Variants in EYA2 observed in about 807,000 individuals in gnomAD.
EYA2 encodes EYA transcriptional coactivator and phosphatase 2, also known as protein phosphatase EYA2.
In EYA2, 31 loss-of-function variants were observed where a neutral mutation model predicts 69.2. That is an observed-to-expected ratio of 0.45 (90% CI 0.34 to 0.60). The LOEUF (loss-of-function observed/expected upper bound fraction) is 0.60, where lower values mean the gene tolerates loss of function less well. Ranked by LOEUF, EYA2 falls within the 20% of genes least tolerant of loss-of-function variation. The pLI, the probability that EYA2 is intolerant of heterozygous loss-of-function variation, is 0.02. For missense variants in EYA2, 622 were observed against 701.2 expected, an observed-to-expected ratio of 0.89 and a Z score of 1.28; for synonymous variants, 257 against 279.4, an observed-to-expected ratio of 0.92 and a Z score of 0.80.
chr20:47,079,415 C>G (rs1296698824), intron 7 of EYA2, among the ~76,000 whole-genome samples: 1 of 152,172 alleles, frequency 6.6e-6, no homozygotes, highest in East Asian at 1.9e-4. Context: ...CAGAGGCCAC[C>G]TGCCTTCCTT....
intron 9 of EYA2, among the ~76,000 whole-genome samples, chr20:47,126,000 C>T (rs973477788): frequency 3.9e-5 from 6 of 151,940 alleles, no homozygotes; most frequent in Admixed American, 1.3e-4. Flanking sequence ...AAAAGTGAGG[C>T]GAAGGCAGGC....
chr20:47,137,851 A>T (rs1421527503), intron 9 of EYA2, among the ~76,000 whole-genome samples: 4 of 152,186 alleles, frequency 2.6e-5, no homozygotes, highest in Non-Finnish European at 5.9e-5. Context: ...GACATGGATG[A>T]AATTGGAAAT....
intron 11 of EYA2, 83 bp from the exon 12 acceptor site, chr20:47,172,624 G>A (rs1218584667): frequency 6.8e-7 from 1 of 1,464,902 alleles, no homozygotes; most frequent in Non-Finnish European, 9.1e-7. Flanking sequence ...CCACCCGTGG[G>A]TCCCACAGAG....
rs1455781324 is a variant in EYA2 at position 47,114,347 on chromosome 20, G to A, written c.888+17179G>A. Among the ~76,000 whole-genome samples the A allele has an allele frequency of 7.9e-5, 12 of 152,356 alleles. No homozygotes were observed. In the East Asian group the frequency reaches 2.3e-3, roughly 29 times the overall value. On this transcript the variant is annotated intron_variant, in intron 9 of 15. Coordinates refer to ENST00000327619, the MANE Select transcript of EYA2 (RefSeq NM_005244.5). ...AGCTTCAGCCTTGGCCGGCCACGGTGGCTCATGCCTGTAATCCCAGCACTT... is the reference window on the plus strand; with the variant it reads ...AGCTTCAGCCTTGGCCGGCCACGGTAGCTCATGCCTGTAATCCCAGCACTT...
intron 4 of EYA2, among the ~76,000 whole-genome samples, chr20:47,006,374 G>A (rs1029064732): frequency 1.3e-5 from 2 of 152,220 alleles, no homozygotes; most frequent in African/African-American, 4.8e-5. Flanking sequence ...GCCACTCCAC[G>A]TGACTTTACA....
intron 15 of EYA2, among the ~76,000 whole-genome samples, chr20:47,184,331 T>C (rs1252305610): frequency 3.3e-5 from 5 of 151,832 alleles, no homozygotes; most frequent in Non-Finnish European, 5.9e-5. Context: ...CCCCATGCCC[T>C]TCACCACCGT....
intron 10 of EYA2, among the ~76,000 whole-genome samples, chr20:47,160,029 G>A (rs1243627827): frequency 6.6e-6 from 1 of 150,624 alleles, no homozygotes; most frequent in Non-Finnish European, 1.5e-5. Context: ...ACCACATGGA[G>A]CCAGGTTCCA....
At chr20:47,074,901 C>T (rs1351786264) in intron 7 of EYA2, among the ~76,000 whole-genome samples, 2 of 152,124 alleles carry the variant, frequency 1.3e-5, no homozygotes, top group African/African-American at 4.8e-5. Context: ...CACCTGAGGT[C>T]AGGAGTTCGA....
chr20:47,057,824 C>A (rs1186029277), intron 5 of EYA2, among the ~76,000 whole-genome samples: 1 of 152,214 alleles, frequency 6.6e-6, no homozygotes, highest in African/African-American at 2.4e-5. Context: ...AGGCAGTGGC[C>A]TGTGCAACTT....
At position 47,148,058 on chromosome 20, in the gene EYA2, C is replaced by CAAAAAAAA. The variant is rs1264883844; in HGVS notation, c.978+4918_978+4925dup. Among the ~76,000 whole-genome samples the CAAAAAAAA allele has an allele frequency of 2.8e-3, 235 of 82,700 alleles. 12 individuals carry two copies. The highest frequency in any genetic ancestry group is 7.4e-3 in the African/African-American group (153 of 20,564). The allele number at this position is 82,700 out of a possible 152,430, so 54.3% of individuals were successfully genotyped here. On this transcript the variant is annotated intron_variant, in intron 10 of 15. Coordinates refer to ENST00000327619, the MANE Select transcript of EYA2 (RefSeq NM_005244.5). ...TGGGCGACAGAGCAAGACTCTGTCT[C>CAAAAAAAA]AAAAAAAAAAAAAAAGAATAAAAAA...
Position 47,089,204 on chromosome 20 carries a change from T to C in EYA2, c.662-35T>C, listed in dbSNP as rs199957472. Reference sequence around the variant, plus strand: ...CCCAGGAGGAGACACCCAGCAAAGCTTCTGATTTGTCCACCATTCCCTTTC... The same window carrying C: ...CCCAGGAGGAGACACCCAGCAAAGCCTCTGATTTGTCCACCATTCCCTTTC... On this transcript the variant is annotated intron_variant, in intron 7 of 15. Transcript: ENST00000327619. The C allele has an allele frequency of 3.3e-4, 534 of 1,609,036 alleles. 1 individual carries two copies. In the African/African-American group the frequency reaches 5.9e-3, roughly 18 times the overall value.
intron 10 of EYA2, among the ~76,000 whole-genome samples, chr20:47,143,988 G>A (rs1203474823): frequency 1.3e-5 from 2 of 152,222 alleles, no homozygotes; most frequent in Non-Finnish European, 2.9e-5. Context: ...AGGGGTTTTG[G>A]CTGATAAAAG....
At chr20:46,930,277 A>C (rs1985610879) in intron 1 of EYA2, among the ~76,000 whole-genome samples, 1 of 152,378 alleles carries the variant, frequency 6.6e-6, no homozygotes, top group Middle Eastern at 3.4e-3. Flanking sequence ...AAACTTTTAA[A>C]AAATAAAAGA....
At chr20:47,010,518 A>T (rs1353639896) in intron 4 of EYA2, among the ~76,000 whole-genome samples, 2 of 152,100 alleles carry the variant, frequency 1.3e-5, no homozygotes, top group Non-Finnish European at 2.9e-5. Flanking sequence ...GCTCCCAGCT[A>T]CTAGAGAGGC....
intron 10 of EYA2, among the ~76,000 whole-genome samples, chr20:47,151,304 G>C (rs984523992): frequency 2.0e-5 from 3 of 151,718 alleles, no homozygotes; most frequent in African/African-American, 7.2e-5. Context: ...CCAGGAGGCA[G>C]AGGTTGCAGT....
intron 1 of EYA2, among the ~76,000 whole-genome samples, chr20:46,925,304 A>C (rs1156454263): frequency 6.6e-6 from 1 of 152,240 alleles, no homozygotes; most frequent in African/African-American, 2.4e-5. Flanking sequence ...CAAGCACTCA[A>C]GGGCTAGGAA....
intron 4 of EYA2, among the ~76,000 whole-genome samples, chr20:47,014,768 A>T (rs1472541793): frequency 6.9e-6 from 1 of 144,394 alleles, no homozygotes; most frequent in African/African-American, 2.4e-5. Context: ...GTGTGTATAT[A>T]TACACATTTG....
At chr20:46,969,077 T>A (rs1979968195) in intron 1 of EYA2, among the ~76,000 whole-genome samples, 1 of 76,258 alleles carries the variant, frequency 1.3e-5, no homozygotes. Context: ...CTAGCTGGGA[T>A]TTTTTTTACC....
At chr20:47,094,427 T>C (rs546872730) in intron 8 of EYA2, among the ~76,000 whole-genome samples, 25 of 152,364 alleles carry the variant, frequency 1.6e-4, no homozygotes, top group Admixed American at 7.8e-4. Flanking sequence ...TAAATATAAC[T>C]GGTCCAAAAG....
Sources: gnomAD v4.1 joint callset for allele counts (sites outside exome capture counted in the v4.1 genomes callset) on GRCh38, gnomAD v4.1.1 for gene constraint, MANE v1.5 for transcripts, NCBI Gene and HGNC (gene_info 2026-07-23, HGNC 2026-07-21) for gene names.